The following ADAMTSL3 variants were observed in gnomAD, a reference collection of about 807,000 sequenced individuals.
ADAMTSL3 encodes ADAMTS-like protein 3.
ADAMTSL3 carries 128 observed loss-of-function variants against 201.7 expected under a neutral mutation model. That is an observed-to-expected ratio of 0.63 (90% CI 0.55 to 0.73). ADAMTSL3 has a LOEUF of 0.73. Ranked by LOEUF, ADAMTSL3 falls within the 30% of genes least tolerant of loss-of-function variation. The pLI is 0.00. For synonymous variants in ADAMTSL3, 738 were observed against 748.4 expected (o/e 0.99, Z 0.23); for missense variants, 1,990 against 2,119.6 (o/e 0.94, Z 1.20).
intron 19 of ADAMTSL3, chr15:83,945,870 G>A (rs1186478529): frequency 6.6e-6 from 1 of 152,184 alleles, no homozygotes; most frequent in Non-Finnish European, 1.5e-5. Flanking sequence ...TGATACACTT[G>A]CAGTGTGAGA....
At chr15:83,966,204 G>A (rs1271509029) in intron 19 of ADAMTSL3, among the ~76,000 whole-genome samples, 1 of 152,136 alleles carries the variant, frequency 6.6e-6, no homozygotes, top group African/African-American at 2.4e-5. Flanking sequence ...GAGAGAGATA[G>A]AGACATGAAA....
At chr15:83,799,839 C>G (rs1213120682) in intron 4 of ADAMTSL3, among the ~76,000 whole-genome samples, 1 of 152,142 alleles carries the variant, frequency 6.6e-6, no homozygotes, top group African/African-American at 2.4e-5. Flanking sequence ...AAATTAAAAA[C>G]TTGTAAGTAA....
At chr15:83,885,275 A>AT (rs1461685080) in intron 10 of ADAMTSL3, 63 bp downstream of exon 10, 6 of 1,284,832 alleles carry the variant, frequency 4.7e-6, no homozygotes, top group Non-Finnish European at 5.6e-6. Flanking sequence ...AGACATTTAC[A>AT]TTTTTGAAGC....
intron 20 of ADAMTSL3, among the ~76,000 whole-genome samples, chr15:83,977,001 A>C (rs552036501): frequency 2.3e-4 from 35 of 152,288 alleles, no homozygotes; most frequent in Middle Eastern, 3.4e-3. Context: ...CCAACCCCCA[A>C]GCCATGGACG....
In ADAMTSL3 at chr15:84,014,560, T is replaced by C. The variant is rs139185219; in HGVS notation, c.3992T>C (p.Ile1331Thr). 1.7e-5 allele frequency: 28 copies of C among 1,613,960 alleles called. No homozygotes were observed. Among genetic ancestry groups the C allele is most frequent in the Non-Finnish European group, 2.4e-5 (28 of 1,179,956 alleles). Residue 1331 changes from isoleucine (I) to threonine (T), a missense_variant, in exon 24 of 30, where the codon ATA becomes ACA. Transcript: ENST00000286744. Reference protein sequence around the residue: ...CPVKGVPQPNITWLKRGGSLS... With the variant: ...CPVKGVPQPNTTWLKRGGSLS... ...TCCAAAGGTGTCCCTCAGCCTAATA[T>C]AACTTGGTTGAAGAGAGGAGGATCT...
At chr15:83,927,191 A>G (rs930143687) in intron 17 of ADAMTSL3, among the ~76,000 whole-genome samples, 1 of 150,706 alleles carries the variant, frequency 6.6e-6, no homozygotes, top group Non-Finnish European at 1.5e-5. Flanking sequence ...GTCTCGGCCC[A>G]CTGCAGCCTC....
chr15:84,021,689 T>C, intron 26 of ADAMTSL3, 96 bp downstream of exon 26: 1 of 1,355,474 alleles, frequency 7.4e-7, no homozygotes, highest in Admixed American at 2.5e-5. Flanking sequence ...TAGCTAAGTT[T>C]TTTTTATCAC....
At chr15:83,964,295 T>C (rs1041318582) in intron 19 of ADAMTSL3, among the ~76,000 whole-genome samples, 2 of 151,938 alleles carry the variant, frequency 1.3e-5, no homozygotes, top group African/African-American at 4.8e-5. Context: ...TTAGAGGAAT[T>C]GCTAACTAGA....
chr15:83,796,333 A>T (rs2063425834), intron 4 of ADAMTSL3, among the ~76,000 whole-genome samples: 1 of 152,250 alleles, frequency 6.6e-6, no homozygotes, highest in African/African-American at 2.4e-5. Flanking sequence ...TTCAGTAAAG[A>T]TTGCTGGAAG....
intron 2 of ADAMTSL3, among the ~76,000 whole-genome samples, chr15:83,666,046 A>G (rs1595990635): frequency 6.6e-6 from 1 of 152,300 alleles, no homozygotes; most frequent in Middle Eastern, 3.4e-3. Context: ...GAAAATAAGC[A>G]TCACCTTTAA....
chr15:83,864,323 T>C (rs1166889741), intron 8 of ADAMTSL3, among the ~76,000 whole-genome samples: 1 of 152,148 alleles, frequency 6.6e-6, no homozygotes, highest in Non-Finnish European at 1.5e-5. Flanking sequence ...AAGAGAATTT[T>C]AGACCAATAT....
intron 6 of ADAMTSL3, among the ~76,000 whole-genome samples, chr15:83,821,850 G>A (rs2141917132): frequency 6.6e-6 from 1 of 150,618 alleles, no homozygotes; most frequent in Non-Finnish European, 1.5e-5. Flanking sequence ...CTCCCGGACG[G>A]GGCGGCTGGC....
chr15:83,971,996 T>A (rs933140488), intron 20 of ADAMTSL3, among the ~76,000 whole-genome samples: 1 of 151,106 alleles, frequency 6.6e-6, no homozygotes, highest in African/African-American at 2.4e-5. Flanking sequence ...CAAAACAAAA[T>A]AAGACAAATA....
chr15:83,748,269 A>T (rs2062580262), intron 3 of ADAMTSL3, among the ~76,000 whole-genome samples: 1 of 152,148 alleles, frequency 6.6e-6, no homozygotes, highest in South Asian at 2.1e-4. Context: ...TCAGTTCAAG[A>T]TTGGTTACAT....
In ADAMTSL3 at chr15:83,773,598, C is replaced by G; in HGVS notation, c.265C>G (p.Arg89Gly). 1 of 1,613,462 alleles carries G rather than the reference C, an allele frequency of 6.2e-7. No homozygotes were observed. The highest frequency in any genetic ancestry group is 8.5e-7 in the Non-Finnish European group (1 of 1,179,848). The change falls in exon 4 of 30, where the codon CGG becomes GGG. Residue 89 changes from arginine to glycine, a missense_variant. Transcript: ENST00000286744. ...TTGGGGCGACTGGAGTGACTGCTCCCGGACCTGTGGGGGAGGAGCATCATA... is the reference window on the plus strand; with the variant it reads ...TTGGGGCGACTGGAGTGACTGCTCCGGGACCTGTGGGGGAGGAGCATCATA... The part of the protein sequence containing the change: ...DAWGDWSDCS[R>G]TCGGGASYSL...
chr15:83,725,285 T>G (rs2062157030), intron 3 of ADAMTSL3, among the ~76,000 whole-genome samples: 1 of 151,868 alleles, frequency 6.6e-6, no homozygotes, highest in East Asian at 1.9e-4. Context: ...TAGTTTTGAT[T>G]TACATTTCTC....
chr15:83,839,963 C>T (rs192768387), intron 7 of ADAMTSL3, among the ~76,000 whole-genome samples: 2 of 152,196 alleles, frequency 1.3e-5, no homozygotes, highest in Admixed American at 1.3e-4. Flanking sequence ...ATTATGTTTT[C>T]TTTGTGGTTG....
At chr15:84,021,657 T>C in intron 26 of ADAMTSL3, 64 bp downstream of exon 26, 3 of 1,552,858 alleles carry the variant, frequency 1.9e-6, no homozygotes, top group Non-Finnish European at 2.6e-6. Flanking sequence ...AAAGGTGCAG[T>C]GATTTGGACA....
intron 19 of ADAMTSL3, among the ~76,000 whole-genome samples, chr15:83,945,239 C>T (rs1233483929): frequency 6.6e-6 from 1 of 152,102 alleles, no homozygotes; most frequent in African/African-American, 2.4e-5. Context: ...CCACAGCTCT[C>T]CCCGGAAAGT....
Sources: gnomAD v4.1 joint callset for allele counts (sites outside exome capture counted in the v4.1 genomes callset) on GRCh38, gnomAD v4.1.1 for gene constraint, MANE v1.5 for transcripts, NCBI Gene and HGNC (gene_info 2026-07-23, HGNC 2026-07-21) for gene names.